The following ANKRD30A variants were observed in gnomAD, a reference collection of about 807,000 sequenced individuals.
ANKRD30A encodes the protein ankyrin repeat domain 30A, also known as ankyrin repeat domain-containing protein 30A.
ANKRD30A carries 170 observed loss-of-function variants against 166.3 expected under a neutral mutation model. The ratio of observed to expected loss-of-function variants is 1.02; its 90% CI spans 0.90 to 1.16. ANKRD30A has a LOEUF of 1.16. ANKRD30A is among the 50% of genes most tolerant of loss of function. ANKRD30A has a pLI of 0.00. For missense variants in ANKRD30A, 1,630 were observed against 1,518.0 expected (o/e 1.07, Z -1.23); for synonymous variants, 564 against 508.9 (o/e 1.11, Z -1.46).
At chr10:37,240,761 C>A in the ANKRD30A span, 1 of 152,124 alleles carries the variant, frequency 6.6e-6, no homozygotes, top group Non-Finnish European at 1.5e-5. Context: ...GACCCAAAAC[C>A]TGGATGTCCT....
Position 37,130,353 on chromosome 10 carries a change from G to C in ANKRD30A, c.485G>C (p.Gly162Ala). ...GTGGTGGCAAAACTGCTGTCCCATGGTGCAGTCATCGAAGTGCACAACAAG... is the reference window on the plus strand; with the variant it reads ...GTGGTGGCAAAACTGCTGTCCCATGCTGCAGTCATCGAAGTGCACAACAAG... ...LSVVAKLLSH[G>A]AVIEVHNKAS... is the part of the protein sequence containing the mutation. The change falls in exon 3 of 36, where the codon GGT becomes GCT. Residue 162 changes from glycine (G) to alanine (A), a missense_variant. This residue lies in a region of ANKRD30A where 904 missense variants were observed against 818.5 expected (regional missense o/e 1.10). Transcript: ENST00000361713. 1 of 1,543,722 alleles carries C rather than the reference G, an allele frequency of 6.5e-7. No individual in the cohort carries two copies. Among genetic ancestry groups the C allele is most frequent in the Non-Finnish European group, 8.7e-7 (1 of 1,145,058 alleles).
At chr10:37,135,034 C>A (rs1836596257) in intron 5 of ANKRD30A, among the ~76,000 whole-genome samples, 1 of 152,132 alleles carries the variant, frequency 6.6e-6, no homozygotes, top group Non-Finnish European at 1.5e-5. Context: ...GTGGTTATAC[C>A]CTCAAGTGAT....
In ANKRD30A at chr10:37,136,662, A is replaced by C. The variant is rs754424267; in HGVS notation, c.811A>C (p.Thr271Pro). ...AAAATTATCTAAAAATCATCAAAAT[A>C]CCAATCCAGGTAAGACTTCTGATAG... ...IRKLSKNHQN[T>P]NPEGTSAGTP... The change falls in exon 6 of 36, where the codon ACC becomes CCC. Residue 271 changes from threonine to proline, a missense_variant. Thr to Pro is a conservative substitution (Grantham distance 38). Around this residue, in one of 4 missense-constraint regions of ANKRD30A, gnomAD observed 904 missense variants for 818.5 expected, o/e 1.10. Coordinates refer to ENST00000361713, the MANE Select transcript of ANKRD30A (RefSeq NM_052997.3). The C allele has an allele frequency of 5.6e-6, 8 of 1,422,540 alleles. No homozygotes were observed. Among genetic ancestry groups the C allele is most frequent in the Non-Finnish European group, 2.9e-6 (3 of 1,032,270 alleles). The allele number at this position is 1,422,540 out of a possible 1,614,324, so 88.1% of individuals were successfully genotyped here.
At chr10:37,254,278 T>C in the ANKRD30A span, among the ~76,000 whole-genome samples, 5 of 152,196 alleles carry the variant, frequency 3.3e-5, no homozygotes, top group East Asian at 5.8e-4. Context: ...TATATTCTTT[T>C]CAGCAACCAC....
the ANKRD30A span, among the ~76,000 whole-genome samples, chr10:37,247,891 A>AG: frequency 1.3e-5 from 2 of 151,646 alleles, no homozygotes; most frequent in Non-Finnish European, 2.9e-5. Flanking sequence ...CAAAAAAAAA[A>AG]AAAAAAAGAA....
intron 11 of ANKRD30A, among the ~76,000 whole-genome samples, chr10:37,150,728 T>C (rs1272506709): frequency 1.3e-5 from 2 of 152,166 alleles, no homozygotes; most frequent in East Asian, 3.8e-4. Flanking sequence ...TGTATGACAG[T>C]ACCATAGTTA....
At chr10:37,155,141 TA>T (rs1838266802) in intron 13 of ANKRD30A, among the ~76,000 whole-genome samples, 1 of 152,302 alleles carries the variant, frequency 6.6e-6, no homozygotes, top group South Asian at 2.1e-4. Context: ...TTGTTATTCA[TA>T]GGTATTTTAC....
At chr10:37,191,017 G>A (rs1022337557) in intron 25 of ANKRD30A, among the ~76,000 whole-genome samples, 2 of 151,720 alleles carry the variant, frequency 1.3e-5, no homozygotes, top group African/African-American at 4.9e-5. Context: ...ATAAAACTCT[G>A]AATTTATGAC....
At chr10:37,203,936 G>A (rs988463073) in intron 31 of ANKRD30A, among the ~76,000 whole-genome samples, 1 of 152,214 alleles carries the variant, frequency 6.6e-6, no homozygotes, top group Non-Finnish European at 1.5e-5. Flanking sequence ...TACAAGGGAT[G>A]TGAAGGACCT....
At chr10:37,199,627 G>A in intron 29 of ANKRD30A, 100 bp from the exon 30 acceptor site, 1 of 694,388 alleles carries the variant, frequency 1.4e-6, no homozygotes, top group South Asian at 1.7e-5. Flanking sequence ...CTACAGAGGA[G>A]GAACCACAGA....
chr10:37,147,460 A>G lies in ANKRD30A; in HGVS notation c.1543+3A>G. 1.3e-6 allele frequency: 2 copies of G among 1,553,752 alleles called. No homozygotes were observed. Among genetic ancestry groups the G allele is most frequent in the Non-Finnish European group, 8.7e-7 (1 of 1,144,728 alleles). ...GGAGATAAATAGAGAAGTAGAAGGT[A>G]AGAACGATTTTTTATTTGAAAAGTC... is the stretch of plus-strand genomic sequence containing the variant. On this transcript the variant is annotated splice_donor_region_variant and intron_variant, in intron 9 of 35. Transcript: ENST00000361713.
intron 25 of ANKRD30A, among the ~76,000 whole-genome samples, chr10:37,190,626 T>G (rs1782075): frequency 0.57 from 85,745 of 150,144 alleles, 25,075 homozygotes; most frequent in African/African-American, 0.64. Flanking sequence ...CAAGAGAGAA[T>G]CCAGCTAGAT....
At chr10:37,235,665 A>C (rs996241176), downstream of ANKRD30A, among the ~76,000 whole-genome samples, 1 of 152,298 alleles carries the variant, frequency 6.6e-6, no homozygotes, top group Admixed American at 6.5e-5. Flanking sequence ...AGTATAATGT[A>C]ACAGTAGCCT....
chr10:37,192,559 C>T (rs1393255261), intron 25 of ANKRD30A, among the ~76,000 whole-genome samples: 3 of 152,016 alleles, frequency 2.0e-5, no homozygotes, highest in East Asian at 1.9e-4. Context: ...TACCTTTGAA[C>T]TCTCATCACA....
the ANKRD30A span, among the ~76,000 whole-genome samples, chr10:37,245,223 T>C: frequency 6.6e-6 from 1 of 152,138 alleles, no homozygotes; most frequent in East Asian, 1.9e-4. Flanking sequence ...TTTTTATATA[T>C]ATTTTTTCTT....
chr10:37,232,697 T>TATATATATATATAGAG (rs1273812991), downstream of ANKRD30A: 2 of 78,400 alleles, frequency 2.6e-5, no homozygotes, highest in Non-Finnish European at 4.8e-5. Flanking sequence ...TATATATAAA[T>TATATATATATATAGAG]AGAGAGAGAG....
chr10:37,143,270 G>T (rs1301627376), intron 7 of ANKRD30A, among the ~76,000 whole-genome samples: 5 of 152,132 alleles, frequency 3.3e-5, no homozygotes, highest in Non-Finnish European at 5.9e-5. Context: ...TTTGAGCAGG[G>T]GAGTCACAAG....
At chr10:37,253,769 T>C in the ANKRD30A span, among the ~76,000 whole-genome samples, 22 of 150,982 alleles carry the variant, frequency 1.5e-4, no homozygotes, top group Non-Finnish European at 2.8e-4. Flanking sequence ...TGCCTCAGCC[T>C]CCCAAGTAGC....
At chr10:37,221,985 A>G (rs1046470903) in intron 34 of ANKRD30A, among the ~76,000 whole-genome samples, 2 of 151,396 alleles carry the variant, frequency 1.3e-5, no homozygotes, top group African/African-American at 4.8e-5. Flanking sequence ...ATTATATTGT[A>G]TAAACATAAA....
Sources: allele counts gnomAD v4.1 joint callset (sites outside exome capture counted in the v4.1 genomes callset), GRCh38; gene constraint gnomAD v4.1.1; regional missense constraint gnomAD v4.1.1; transcripts MANE v1.5; gene names NCBI Gene and HGNC (gene_info 2026-07-23, HGNC 2026-07-21).